The following SLC12A2 variants were observed in gnomAD, a reference collection of about 807,000 sequenced individuals.
SLC12A2 encodes the protein solute carrier family 12 member 2, also known as Na-K-2Cl cotransporter 1.
Under a neutral mutation model 136.3 loss-of-function variants are expected in SLC12A2, and 67 were observed. The ratio of observed to expected loss-of-function variants is 0.49; its 90% confidence interval spans 0.40 to 0.60. The LOEUF is 0.60. SLC12A2 is among the 20% of genes least tolerant of loss of function. SLC12A2 has a pLI of 0.00. For synonymous variants in SLC12A2, 619 were observed against 562.9 expected, an observed-to-expected ratio of 1.10 and a Z score of -1.41; for missense variants, 1,322 against 1,534.7, an observed-to-expected ratio of 0.86 and a Z score of 2.32.
chr5:128,087,100 T>C (rs1294067899), intron 1 of SLC12A2, among the ~76,000 whole-genome samples: 2 of 152,260 alleles, frequency 1.3e-5, no homozygotes, highest in African/African-American at 4.8e-5. Context: ...TTCCCTCCAG[T>C]TGAATTCCTT....
chr5:128,132,660 C>T (rs535391623), intron 5 of SLC12A2, among the ~76,000 whole-genome samples: 9 of 152,220 alleles, frequency 5.9e-5, no homozygotes, highest in Admixed American at 4.6e-4. Context: ...AACTATTCTA[C>T]AGTAGTAAAT....
rs1763902618 is a variant in SLC12A2, at chr5:128,187,374, C to T, written c.*743C>T. ...CTTAGGGAAGATTGAAGATTCATCC[C>T]ATACTTCTATATACCATGCTTAAAA... On this transcript the variant is annotated 3_prime_UTR_variant, in exon 27 of 27. Transcript: ENST00000262461. The T allele has an allele frequency of 6.6e-6, 1 of 151,908 alleles. No individual in the cohort carries two copies. The highest frequency in any genetic ancestry group is 1.5e-5 in the Non-Finnish European group (1 of 67,958). The allele number at this position is 151,908 out of a possible 1,614,324, so 9.4% of individuals were successfully genotyped here.
At chr5:128,184,589 T>A in intron 25 of SLC12A2, 88 bp downstream of exon 25, 3 of 1,313,442 alleles carry the variant, frequency 2.3e-6, no homozygotes, top group Non-Finnish European at 3.1e-6. Context: ...GGAGGGTCAG[T>A]TGTATAAATG....
At position 128,184,517 on chromosome 5, in the gene SLC12A2, T is replaced by A. The variant is rs1763805857; in HGVS notation, c.3435+16T>A. Reference sequence around the variant, plus strand: ...TAAGACCAAGGTATTCTCTTCTGCTTCCTTTTCATTAATCTTTTATATAAT... The same window carrying A: ...TAAGACCAAGGTATTCTCTTCTGCTACCTTTTCATTAATCTTTTATATAAT... On this transcript the variant is annotated intron_variant, in intron 25 of 26. Coordinates refer to ENST00000262461, the MANE Select transcript of SLC12A2 (RefSeq NM_001046.3). 1.9e-6 allele frequency: 3 copies of A among 1,563,134 alleles called. No homozygotes were observed. Among genetic ancestry groups the A allele is most frequent in the Admixed American group, 2.1e-5 (1 of 47,820 alleles).
intron 21 of SLC12A2, among the ~76,000 whole-genome samples, chr5:128,178,013 C>T (rs1375405095): frequency 6.6e-6 from 1 of 152,114 alleles, no homozygotes; most frequent in Non-Finnish European, 1.5e-5. Flanking sequence ...GGGGACAAAA[C>T]ATAGGTAAAA....
intron 1 of SLC12A2, among the ~76,000 whole-genome samples, chr5:128,089,390 C>T (rs568093372): frequency 1.3e-5 from 2 of 152,090 alleles, no homozygotes; most frequent in African/African-American, 4.8e-5. Context: ...AACAGCAAGA[C>T]CCTGTCTAAA....
rs1762262416 is a variant in SLC12A2, at chr5:128,138,712, A to G, written c.1524A>G (p.Ser508=). ...ATGILAGANI[S]GDLADPQSAI... Reference sequence around the variant, plus strand: ...GTATTCTGGCTGGAGCAAATATCTCAGGTGATCTTGCAGTAAGTATTATAA... The same window carrying G: ...GTATTCTGGCTGGAGCAAATATCTCGGGTGATCTTGCAGTAAGTATTATAA... The change falls in exon 8 of 27, where the codon TCA becomes TCG. Residue 508 remains serine, a synonymous_variant. Coordinates refer to ENST00000262461, the MANE Select transcript of SLC12A2 (RefSeq NM_001046.3). The G allele has an allele frequency of 1.2e-6, 2 of 1,613,436 alleles. No homozygotes were observed. Among genetic ancestry groups the G allele is most frequent in the Non-Finnish European group, 1.7e-6 (2 of 1,179,674 alleles).
intron 10 of SLC12A2, among the ~76,000 whole-genome samples, chr5:128,143,940 T>A (rs1043330783): frequency 1.3e-5 from 2 of 150,526 alleles, no homozygotes; most frequent in Non-Finnish European, 3.0e-5. Context: ...ATAATAAAAT[T>A]ATGTAGTTTT....
intron 16 of SLC12A2, 47 bp downstream of exon 16, chr5:128,158,211 T>C (rs766154567): frequency 7.2e-5 from 101 of 1,400,786 alleles, no homozygotes; most frequent in Non-Finnish European, 9.5e-5. Flanking sequence ...TTTAAAGTTT[T>C]ATTTTAGGTT....
rs1276186100 is a variant in SLC12A2 at position 128,152,693 on chromosome 5, T to C, written c.2264-13T>C. On this transcript the variant is annotated splice_polypyrimidine_tract_variant and intron_variant, in intron 14 of 26. Transcript: ENST00000262461. ...ACTGATGTTAATGCTGCATGAACAT[T>C]ATCTTCCCACAGATGTGAATTGGGG... 1.1e-5 allele frequency: 17 copies of C among 1,542,792 alleles called. No homozygotes were observed. Among genetic ancestry groups the C allele is most frequent in the Non-Finnish European group, 1.5e-5 (17 of 1,115,124 alleles).
rs773943140 is a variant in SLC12A2, at chr5:128,152,719, A to T, written c.2277A>T (p.Gly759=). 6.2e-7 allele frequency: 1 copy of T among 1,610,288 alleles called. No homozygotes were observed. The highest frequency in any genetic ancestry group is 1.1e-5 in the South Asian group (1 of 91,014). The change falls in exon 15 of 27, where the codon GGA becomes GGT. Residue 759 remains glycine, a synonymous_variant. Transcript: ENST00000262461. ...VTYKKPDVNW[G]SSTQALTYLN... is the part of the protein sequence containing the mutation. ...ATCTTCCCACAGATGTGAATTGGGG[A>T]TCCTCTACACAAGCCCTGACTTACC...
At chr5:128,124,396 A>G (rs1433400615) in intron 4 of SLC12A2, among the ~76,000 whole-genome samples, 1 of 152,204 alleles carries the variant, frequency 6.6e-6, no homozygotes, top group Non-Finnish European at 1.5e-5. Flanking sequence ...TGCCAGTTGC[A>G]ATTCCAGGCC....
At chr5:128,126,198 A>G (rs1266525846) in intron 4 of SLC12A2, among the ~76,000 whole-genome samples, 1 of 152,204 alleles carries the variant, frequency 6.6e-6, no homozygotes, top group Non-Finnish European at 1.5e-5. Context: ...AACAACCTAA[A>G]TATATAAGGA....
At chr5:128,118,570 G>A (rs1761439276) in intron 4 of SLC12A2, among the ~76,000 whole-genome samples, 1 of 152,112 alleles carries the variant, frequency 6.6e-6, no homozygotes, top group African/African-American at 2.4e-5. Flanking sequence ...GATGCGGGTG[G>A]AAGGGTGGGA....
At chr5:128,102,501 C>T (rs1432329167) in intron 1 of SLC12A2, among the ~76,000 whole-genome samples, 2 of 142,502 alleles carry the variant, frequency 1.4e-5, no homozygotes, top group African/African-American at 2.6e-5. Context: ...TAAATGGAAT[C>T]GTATAGCATA....
chr5:128,129,126 A>G (rs1761921575), intron 4 of SLC12A2, among the ~76,000 whole-genome samples: 1 of 152,074 alleles, frequency 6.6e-6, no homozygotes, highest in African/African-American at 2.4e-5. Flanking sequence ...TTGTATTGTC[A>G]ACTACTAAAG....
intron 1 of SLC12A2, among the ~76,000 whole-genome samples, chr5:128,093,755 C>T (rs1760421995): frequency 6.6e-6 from 1 of 152,084 alleles, no homozygotes; most frequent in Non-Finnish European, 1.5e-5. Context: ...ATGCCAAAAA[C>T]CGCAATGACT....
At chr5:128,169,703 T>G (rs1763309972) in intron 18 of SLC12A2, 1 of 152,154 alleles carries the variant, frequency 6.6e-6, no homozygotes, top group Non-Finnish European at 1.5e-5. Flanking sequence ...TGAAACCCTA[T>G]GCTTTTTCCC....
At chr5:128,126,457 T>C (rs1761799560) in intron 4 of SLC12A2, among the ~76,000 whole-genome samples, 1 of 152,148 alleles carries the variant, frequency 6.6e-6, no homozygotes, top group African/African-American at 2.4e-5. Flanking sequence ...ATAACCGCTA[T>C]GGAGGACAGT....
Sources: allele counts gnomAD v4.1 joint callset (sites outside exome capture counted in the v4.1 genomes callset), GRCh38; gene constraint gnomAD v4.1.1; transcripts MANE v1.5; gene names NCBI Gene and HGNC (gene_info 2026-07-23, HGNC 2026-07-21).